The following KCNAB2 variants were observed in gnomAD, a reference collection of about 807,000 sequenced individuals.
The protein encoded by KCNAB2 is potassium voltage-gated channel subfamily A regulatory beta subunit 2.
In KCNAB2, 29 loss-of-function variants were observed where a neutral mutation model predicts 63.6. That is an observed-to-expected ratio of 0.46 (90% CI 0.34 to 0.62). The LOEUF (loss-of-function observed/expected upper bound fraction) is 0.62, where lower values mean the gene tolerates loss of function less well. KCNAB2 is among the 20% of genes least tolerant of loss of function. The pLI is 0.01. For missense variants in KCNAB2, 359 were observed against 563.9 expected (o/e 0.64, Z 3.68); for synonymous variants, 222 against 224.2 (o/e 0.99, Z 0.09).
intron 1 of KCNAB2, among the ~76,000 whole-genome samples, chr1:6,050,169 C>T (rs992109857): frequency 6.6e-6 from 1 of 152,230 alleles, no homozygotes; most frequent in Non-Finnish European, 1.5e-5. Flanking sequence ...CAGGGATAAT[C>T]GAACTTTTCC....
chr1:6,023,262 C>T (rs1449687273), intron 1 of KCNAB2, among the ~76,000 whole-genome samples: 2 of 152,288 alleles, frequency 1.3e-5, no homozygotes, highest in Admixed American at 6.5e-5. Context: ...TGTGAACACA[C>T]GGGTACAAAT....
intron 5 of KCNAB2, among the ~76,000 whole-genome samples, chr1:6,083,496 C>T (rs539577099): frequency 2.0e-5 from 3 of 152,214 alleles, no homozygotes; most frequent in African/African-American, 4.8e-5. Flanking sequence ...CCCTGGGTCT[C>T]CGGCAGCCTC....
chr1:6,005,048 G>A (rs56328533), intron 1 of KCNAB2, among the ~76,000 whole-genome samples: 1 of 57,502 alleles, frequency 1.7e-5, no homozygotes, highest in African/African-American at 6.0e-5. Flanking sequence ...GGGCTGAGCT[G>A]AGGGGTGAGG....
rs11121143 is a variant in KCNAB2 at position 6,056,073 on chromosome 1, C to T, written c.218+4319C>T. Among the ~76,000 whole-genome samples, 260 of 152,150 alleles carry T rather than the reference C, an allele frequency of 1.7e-3. 3 individuals are homozygous for T. Among genetic ancestry groups the T allele is most frequent in the African/African-American group, 6.1e-3 (255 of 41,518 alleles). Reference sequence around the variant, plus strand: ...CCCCAGTTTTTTTTTGAGACAGAGTCTCACTCTGTCACCCAGGCTGGAGTG... The same window carrying T: ...CCCCAGTTTTTTTTTGAGACAGAGTTTCACTCTGTCACCCAGGCTGGAGTG... On this transcript the variant is annotated intron_variant, in intron 2 of 15. Coordinates refer to ENST00000378083, the MANE Select transcript of KCNAB2 (RefSeq NM_001199862.2).
intron 1 of KCNAB2, among the ~76,000 whole-genome samples, chr1:6,034,953 C>T (rs570067002): frequency 2.0e-5 from 3 of 152,150 alleles, no homozygotes; most frequent in Non-Finnish European, 2.9e-5. Context: ...GAGGAGAAGG[C>T]GTGTGAGCAG....
chr1:6,030,304 G>A (rs142296148), upstream of KCNAB2, among the ~76,000 whole-genome samples: 72 of 152,292 alleles, frequency 4.7e-4, 1 homozygote, highest in East Asian at 0.013. Flanking sequence ...ATGTAGCAGG[G>A]TGGACTGGGG....
At chr1:6,031,075 A>G (rs1253731051), upstream of KCNAB2, among the ~76,000 whole-genome samples, 4 of 152,108 alleles carry the variant, frequency 2.6e-5, no homozygotes, top group Non-Finnish European at 5.9e-5. This position sits in a 1 kb window ranked among gnomAD's most constrained non-coding sequence, Gnocchi z 4.1. Context: ...AGCTCCATCA[A>G]CCAGAACATG....
At chr1:6,098,418 C>T (rs1665823644) in intron 15 of KCNAB2, 67 bp from the exon 16 acceptor site, 3 of 1,597,504 alleles carry the variant, frequency 1.9e-6, no homozygotes, top group Non-Finnish European at 2.6e-6. Flanking sequence ...AGCCTGGCCC[C>T]ACCTCCTCCC....
chr1:6,053,378 G>A (rs1400191440), intron 2 of KCNAB2, among the ~76,000 whole-genome samples: 3 of 152,202 alleles, frequency 2.0e-5, no homozygotes, highest in African/African-American at 7.2e-5. Context: ...GCCATGGCCT[G>A]GGGGTGTGGG....
intron 1 of KCNAB2, among the ~76,000 whole-genome samples, chr1:6,009,347 C>G (rs1436636417): frequency 1.3e-5 from 2 of 152,346 alleles, no homozygotes; most frequent in East Asian, 1.9e-4. Context: ...GGCAGCAGAC[C>G]ATAAGCAGGC....
intron 1 of KCNAB2, among the ~76,000 whole-genome samples, chr1:6,036,856 C>T (rs61760784): frequency 0.41 from 61,732 of 151,808 alleles, 12,993 homozygotes; most frequent in East Asian, 0.57. Flanking sequence ...AGAGAGGATG[C>T]CGTAGAGCAG....
At chr1:6,015,886 T>G in intron 1 of KCNAB2, among the ~76,000 whole-genome samples, 1 of 152,098 alleles carries the variant, frequency 6.6e-6, no homozygotes, top group South Asian at 2.1e-4. Context: ...TGTATTTTTT[T>G]GTAGAGACGG....
intron 1 of KCNAB2, among the ~76,000 whole-genome samples, chr1:6,004,934 G>A (rs1557920652): frequency 4.0e-5 from 6 of 150,502 alleles, no homozygotes; most frequent in Non-Finnish European, 8.9e-5. Flanking sequence ...TGGCTGAGGG[G>A]TGAGGGTGGA....
Position 6,097,252 on chromosome 1 carries a change from G to A in KCNAB2, c.1070-17G>A, listed in dbSNP as rs753077059. On this transcript the variant is annotated splice_polypyrimidine_tract_variant and intron_variant, in intron 14 of 15. Coordinates refer to ENST00000378083, the MANE Select transcript of KCNAB2 (RefSeq NM_001199862.2). The stretch of plus-strand genomic sequence containing the variant: ...GTGGTGGGTGTTTCTCCCTCACCTT[G>A]GGTCTCGCCGCCACAGCCTGGTGCC... 6.5e-7 allele frequency: 1 copy of A among 1,531,118 alleles called. No individual in the cohort carries two copies. Among genetic ancestry groups the A allele is most frequent in the Non-Finnish European group, 8.8e-7 (1 of 1,134,448 alleles). 94.8% of individuals were successfully genotyped at this position (1,531,118 alleles called of 1,614,324 possible).
rs1354845471 is a variant in KCNAB2, at chr1:6,006,893, A to G, written c.-53+14105A>G. On this transcript the variant is annotated intron_variant, in intron 1 of 16. Transcript: ENST00000341524. ...TGAAACCCACCTAAAATACAATGAT[A>G]AGAGCTGTTGTCGAGGGATCAGACA... Among the ~76,000 whole-genome samples the G allele has an allele frequency of 2.6e-5, 4 of 151,898 alleles. No individual in the cohort carries two copies. The South Asian group carries it at 6.3e-4, about 24-fold the overall frequency.
At chr1:6,025,908 GGCACACAGCCGATCC>G (rs1659132382) in intron 1 of KCNAB2, 1 of 137,396 alleles carries the variant, frequency 7.3e-6, no homozygotes, top group African/African-American at 2.6e-5. Flanking sequence ...AGCCGATCCC[GGCACACAGCCGATCC>G]CGGCACACAG....
At chr1:6,058,792 G>A (rs1662063258) in intron 2 of KCNAB2, among the ~76,000 whole-genome samples, 1 of 152,356 alleles carries the variant, frequency 6.6e-6, no homozygotes, top group African/African-American at 2.4e-5. Flanking sequence ...GAGCTGCCGG[G>A]CCAGACGCAG....
intron 4 of KCNAB2, among the ~76,000 whole-genome samples, chr1:6,079,150 G>T (rs560522725): frequency 1.1e-3 from 160 of 152,296 alleles, no homozygotes; most frequent in Non-Finnish European, 2.0e-3. Context: ...TGATGCTGCC[G>T]CAGGCTGCCC....
chr1:6,033,283 G>T (rs1659772491), upstream of KCNAB2, among the ~76,000 whole-genome samples: 1 of 132,284 alleles, frequency 7.6e-6, no homozygotes, highest in Admixed American at 8.6e-5. Flanking sequence ...ATGTGCGTGT[G>T]TGGGCATGTG....
Sources: gnomAD v4.1 joint callset for allele counts (sites outside exome capture counted in the v4.1 genomes callset) on GRCh38, gnomAD v4.1.1 for gene constraint, Gnocchi (gnomAD v3.1) non-coding constraint, MANE v1.5 for transcripts, NCBI Gene and HGNC (gene_info 2026-07-23, HGNC 2026-07-21) for gene names.